MAGI1: variants seen among roughly 807,000 people sequenced by gnomAD.
MAGI1 encodes the protein membrane associated guanylate kinase, WW and PDZ domain containing 1.
In MAGI1, 58 loss-of-function variants were observed where a neutral mutation model predicts 139.9. The observed-to-expected ratio is 0.41, with a 90% CI of 0.34 to 0.52. The LOEUF (loss-of-function observed/expected upper bound fraction) is 0.52. MAGI1 is among the 20% of genes least tolerant of loss of function. The pLI, the probability that MAGI1 is intolerant of heterozygous loss-of-function variation, is 0.12. For synonymous variants in MAGI1, 812 were observed against 737.9 expected, an observed-to-expected ratio of 1.10 and a Z score of -1.63; for missense variants, 1,874 against 1,901.6, an observed-to-expected ratio of 0.99 and a Z score of 0.27.
intron 2 of MAGI1, among the ~76,000 whole-genome samples, chr3:65,509,445 C>T (rs1486814093): frequency 1.3e-5 from 2 of 152,112 alleles, no homozygotes; most frequent in South Asian, 2.1e-4. Context: ...TCAGTGGGTG[C>T]GCGTACCGTG....
At chr3:65,499,039 CAGAT>C in intron 2 of MAGI1, 2 of 975,080 alleles carry the variant, frequency 2.1e-6, no homozygotes, top group Non-Finnish European at 2.4e-6. Flanking sequence ...ACATCTCAAA[CAGAT>C]AGAAGAAAAC....
At chr3:66,000,210 T>G (rs546102000) in intron 1 of MAGI1, among the ~76,000 whole-genome samples, 74 of 152,126 alleles carry the variant, frequency 4.9e-4, no homozygotes, top group African/African-American at 1.7e-3. Context: ...TCTCCTGACC[T>G]CGTGATCTGC....
At chr3:65,515,996 T>G (rs994525571) in intron 2 of MAGI1, among the ~76,000 whole-genome samples, 1 of 152,106 alleles carries the variant, frequency 6.6e-6, no homozygotes, top group Non-Finnish European at 1.5e-5. Context: ...TAGCAGAAAT[T>G]ATCAAAAACA....
chr3:66,038,468 C>T lies in MAGI1; in HGVS notation c.-160G>A. ...AGCCTCGCTCCCCTGCACACGCTCG[C>T]GCACTCAAGCCATCATAAAACAAAC... On this transcript the variant is annotated 5_prime_UTR_variant, in exon 1 of 23. Coordinates refer to ENST00000402939, the MANE Select transcript of MAGI1 (RefSeq NM_001033057.2). 9.9e-7 allele frequency: 1 copy of T among 1,009,084 alleles called. No individual in the cohort carries two copies. The highest frequency in any genetic ancestry group is 1.4e-6 in the Non-Finnish European group (1 of 729,176). 62.5% of individuals were successfully genotyped at this position (1,009,084 alleles called of 1,614,324 possible).
At chr3:65,583,921 C>G (rs540115155) in intron 2 of MAGI1, among the ~76,000 whole-genome samples, 1 of 152,084 alleles carries the variant, frequency 6.6e-6, no homozygotes, top group African/African-American at 2.4e-5. Context: ...AAAGGTGAAA[C>G]AGATCACAAG....
intron 1 of MAGI1, among the ~76,000 whole-genome samples, chr3:65,978,794 A>G (rs1439879085): frequency 1.3e-5 from 2 of 151,642 alleles, no homozygotes; most frequent in East Asian, 3.9e-4. Context: ...CGCCCAGTTA[A>G]TTTTGTATTT....
chr3:65,799,052 C>T (rs1430955929), intron 1 of MAGI1, among the ~76,000 whole-genome samples: 1 of 151,860 alleles, frequency 6.6e-6, no homozygotes, highest in Non-Finnish European at 1.5e-5. Context: ...GTCAAACAGC[C>T]AAAAGGGAAG....
At chr3:65,915,543 C>G (rs974907105) in intron 1 of MAGI1, among the ~76,000 whole-genome samples, 4 of 152,070 alleles carry the variant, frequency 2.6e-5, no homozygotes, top group African/African-American at 9.7e-5. Context: ...TTTTTAAAAT[C>G]CCTGAAGAGA....
chr3:65,792,967 T>C (rs76728995), intron 1 of MAGI1, among the ~76,000 whole-genome samples: 4,552 of 152,256 alleles, frequency 0.03, 91 homozygotes, highest in Non-Finnish European at 0.043. Context: ...GGGAGTCTCA[T>C]GCACACCAAA....
At chr3:65,868,757 C>T (rs776306914) in intron 1 of MAGI1, among the ~76,000 whole-genome samples, 9 of 152,148 alleles carry the variant, frequency 5.9e-5, no homozygotes, top group Non-Finnish European at 1.0e-4. Context: ...TCAGCAAAGA[C>T]TTGTTAAATG....
intron 15 of MAGI1, among the ~76,000 whole-genome samples, chr3:65,382,452 A>G (rs1046352413): frequency 6.6e-6 from 1 of 152,210 alleles, no homozygotes; most frequent in Non-Finnish European, 1.5e-5. Flanking sequence ...AGGGTCTAGC[A>G]TCATGCCTAG....
intron 1 of MAGI1, among the ~76,000 whole-genome samples, chr3:66,028,528 T>G (rs1194828149): frequency 6.6e-6 from 1 of 151,140 alleles, no homozygotes; most frequent in Non-Finnish European, 1.5e-5. Context: ...GCCCCACTGC[T>G]TCCCCAGCCA....
In MAGI1 at chr3:66,029,236, C is replaced by T. The variant is rs529628514; in HGVS notation, c.313+8760G>A. ...GTGGATCATTTTATGAGCAGTACTA[C>T]GGTCCTGATGACACTATATATAGCA... On this transcript the variant is annotated intron_variant, in intron 1 of 22. Transcript: ENST00000402939. Among the ~76,000 whole-genome samples the T allele has an allele frequency of 1.5e-3, 224 of 152,276 alleles. 10 individuals are homozygous for T. The South Asian group carries it at 0.045, about 30-fold the overall frequency.
intron 2 of MAGI1, among the ~76,000 whole-genome samples, chr3:65,509,512 A>AAGAAAGGG (rs2077467276): frequency 1.3e-5 from 2 of 152,208 alleles, no homozygotes; most frequent in African/African-American, 4.8e-5. Context: ...GGGGCCAGGG[A>AAGAAAGGG]GTTCCCTTTC....
intron 1 of MAGI1, among the ~76,000 whole-genome samples, chr3:65,951,323 G>T (rs1346712091): frequency 1.3e-5 from 2 of 152,136 alleles, no homozygotes; most frequent in Non-Finnish European, 2.9e-5. Flanking sequence ...CATCTTCAAT[G>T]ATTCAAATTG....
At chr3:65,486,357 A>G (rs960752892) in intron 3 of MAGI1, among the ~76,000 whole-genome samples, 6 of 152,218 alleles carry the variant, frequency 3.9e-5, no homozygotes, top group African/African-American at 1.4e-4. Flanking sequence ...AGGCATTTGT[A>G]AAACAGCCAT....
chr3:65,592,461 T>A (rs1464456233), intron 2 of MAGI1, among the ~76,000 whole-genome samples: 2 of 152,120 alleles, frequency 1.3e-5, no homozygotes, highest in African/African-American at 2.4e-5. Context: ...TATACCATCT[T>A]CCCACCATAC....
At chr3:65,845,251 C>CA (rs34871480) in intron 1 of MAGI1, among the ~76,000 whole-genome samples, 2,269 of 140,990 alleles carry the variant, frequency 0.016, 60 homozygotes, top group African/African-American at 0.056. Context: ...GACTCCATCT[C>CA]AAAAAAAAAA....
chr3:65,523,571 C>A (rs573321794), intron 2 of MAGI1, among the ~76,000 whole-genome samples: 1 of 152,154 alleles, frequency 6.6e-6, no homozygotes, highest in Non-Finnish European at 1.5e-5. Context: ...TCCCACTAGT[C>A]TCTGTTTCAC....
Sources: gnomAD v4.1 joint callset for allele counts (sites outside exome capture counted in the v4.1 genomes callset) on GRCh38, gnomAD v4.1.1 for gene constraint, MANE v1.5 for transcripts, NCBI Gene and HGNC (gene_info 2026-07-23, HGNC 2026-07-21) for gene names.